The following TRAPPC9 variants were observed in gnomAD, a reference collection of about 807,000 sequenced individuals.
TRAPPC9 encodes the protein IKK2 binding protein.
In TRAPPC9, 83 loss-of-function variants were observed where a neutral mutation model predicts 124.0. The observed-to-expected ratio is 0.67, with a 90% CI of 0.56 to 0.80. TRAPPC9 has a LOEUF of 0.80. Among genes scored for constraint, TRAPPC9 ranks in the 30% least tolerant of loss-of-function variants. The pLI is 0.00. For missense variants in TRAPPC9, 1,302 were observed against 1,508.3 expected (o/e 0.86, Z 2.27); for synonymous variants, 638 against 617.5 (o/e 1.03, Z -0.49).
intron 17 of TRAPPC9, among the ~76,000 whole-genome samples, chr8:140,139,233 T>C (rs1048939864): frequency 6.6e-6 from 1 of 152,112 alleles, no homozygotes; most frequent in Non-Finnish European, 1.5e-5. Context: ...CGGGAGCCTG[T>C]CCCATCCCTG....
chr8:139,996,795 A>G (rs1174525106), intron 18 of TRAPPC9, among the ~76,000 whole-genome samples: 2 of 152,142 alleles, frequency 1.3e-5, no homozygotes, highest in Non-Finnish European at 2.9e-5. Flanking sequence ...GTTGGAGTGC[A>G]ATGGCGTGAT....
At chr8:139,771,591 T>C (rs1820966166) in intron 21 of TRAPPC9, among the ~76,000 whole-genome samples, 1 of 152,290 alleles carries the variant, frequency 6.6e-6, no homozygotes, top group Admixed American at 6.5e-5. Flanking sequence ...CGTAGGACAG[T>C]GCAGCCAGGA....
intron 17 of TRAPPC9, among the ~76,000 whole-genome samples, chr8:140,049,551 C>CT (rs956385073): frequency 3.3e-5 from 5 of 151,500 alleles, no homozygotes; most frequent in African/African-American, 1.2e-4. Context: ...GGGCTCCCCC[C>CT]CCCGAGACCA....
At chr8:140,180,618 G>C (rs2062178803) in intron 17 of TRAPPC9, among the ~76,000 whole-genome samples, 1 of 149,670 alleles carries the variant, frequency 6.7e-6, no homozygotes, top group Non-Finnish European at 1.5e-5. Flanking sequence ...CTCAGCTTTT[G>C]TCTTTATTTG....
chr8:139,949,006 G>A (rs956877230), intron 19 of TRAPPC9, among the ~76,000 whole-genome samples: 1 of 152,134 alleles, frequency 6.6e-6, no homozygotes, highest in African/African-American at 2.4e-5. Flanking sequence ...CCAGGAGGCA[G>A]AGGTTGCCGT....
intron 16 of TRAPPC9, among the ~76,000 whole-genome samples, chr8:140,236,232 G>T (rs543096482): frequency 3.3e-5 from 5 of 152,186 alleles, no homozygotes; most frequent in Admixed American, 3.3e-4. Flanking sequence ...ATAAGCGTGT[G>T]CCACCATGCC....
rs115274810 is a variant in TRAPPC9 at position 140,342,742 on chromosome 8, C to T, written c.1495+17308G>A. Among the ~76,000 whole-genome samples the T allele has an allele frequency of 4.3e-3, 652 of 152,168 alleles. 4 individuals carry two copies. The highest frequency in any genetic ancestry group is 0.015 in the African/African-American group (623 of 41,492). On this transcript the variant is annotated intron_variant, in intron 9 of 22. Transcript: ENST00000438773. ...GAGAAAAAAATGCAAGGGGGAAAAACGCATGTCAGGAATGAAAAATAGGAA... is the reference window on the plus strand; with the variant it reads ...GAGAAAAAAATGCAAGGGGGAAAAATGCATGTCAGGAATGAAAAATAGGAA...
intron 18 of TRAPPC9, 42 bp downstream of exon 18, chr8:140,023,895 A>C (rs1445266810): frequency 6.2e-7 from 1 of 1,613,660 alleles, no homozygotes; most frequent in Non-Finnish European, 8.5e-7. Flanking sequence ...AGTGCTGTTG[A>C]GACTCTAGAA....
chr8:140,372,086 G>A (rs2068298350), intron 7 of TRAPPC9, among the ~76,000 whole-genome samples: 2 of 152,184 alleles, frequency 1.3e-5, no homozygotes, highest in African/African-American at 4.8e-5. Flanking sequence ...CCTGTGAGCT[G>A]GCAAATAAGG....
Position 140,003,029 on chromosome 8 carries a change from AT to A in TRAPPC9, c.2700-14194del, listed in dbSNP as rs1838505974. 2.0e-5 allele frequency among the ~76,000 whole-genome samples: 3 copies of A among 152,068 alleles called. No individual in the cohort carries two copies. In the South Asian group the frequency reaches 6.2e-4, roughly 31 times the overall value. ...AAAATTAGATTTATTAAAATTAAAA[AT>A]ATCTCTCTGTGAAAGACACTGTTAA... On this transcript the variant is annotated intron_variant, in intron 18 of 22. Transcript: ENST00000438773.
intron 17 of TRAPPC9, among the ~76,000 whole-genome samples, chr8:140,141,338 G>A (rs889531721): frequency 1.3e-5 from 2 of 152,128 alleles, no homozygotes; most frequent in African/African-American, 4.8e-5. Context: ...ACCAGCATCC[G>A]CCCTTATCTG....
intron 17 of TRAPPC9, among the ~76,000 whole-genome samples, chr8:140,051,700 A>G (rs4374967): frequency 0.5 from 75,636 of 151,416 alleles, 19,744 homozygotes; most frequent in Non-Finnish European, 0.59. Flanking sequence ...TATAAAGGAC[A>G]TTGATAATTA....
At chr8:140,381,379 CAA>C (rs1025842268) in intron 7 of TRAPPC9, among the ~76,000 whole-genome samples, 7 of 151,978 alleles carry the variant, frequency 4.6e-5, no homozygotes, top group African/African-American at 1.2e-4. Flanking sequence ...TAAAACTTGA[CAA>C]AGAGGACCAG....
At chr8:139,743,888 G>T (rs539418147) in intron 21 of TRAPPC9, among the ~76,000 whole-genome samples, 56 of 152,278 alleles carry the variant, frequency 3.7e-4, no homozygotes, top group African/African-American at 1.3e-3. Flanking sequence ...CCTCTTTATT[G>T]ATGACAGCCA....
chr8:139,774,127 G>A (rs1021697688), intron 21 of TRAPPC9, among the ~76,000 whole-genome samples: 1 of 152,210 alleles, frequency 6.6e-6, no homozygotes, highest in Non-Finnish European at 1.5e-5. Context: ...GGCCACTGGG[G>A]CGGCAAGAAG....
In TRAPPC9 at chr8:140,450,940, TCCAC is replaced by T; in HGVS notation, c.430_433del (p.Val144ArgfsTer44). 1.2e-6 allele frequency: 2 copies of T among 1,614,170 alleles called. No individual in the cohort carries two copies. Among genetic ancestry groups the T allele is most frequent in the Non-Finnish European group, 8.5e-7 (1 of 1,180,028 alleles). ...CTCGATGAAGTCCTCGATTCTCTTC[TCCAC>T]CGTCTGGCAGTCCTCGTAGTTGGGG... is the stretch of plus-strand genomic sequence containing the variant. On this transcript the variant is annotated frameshift_variant, in exon 2 of 23. Coordinates refer to ENST00000438773, the MANE Select transcript of TRAPPC9 (RefSeq NM_001160372.4). LOFTEE classifies it high-confidence loss of function.
At chr8:140,169,042 G>A (rs1346080005) in intron 17 of TRAPPC9, among the ~76,000 whole-genome samples, 1 of 152,164 alleles carries the variant, frequency 6.6e-6, no homozygotes, top group Non-Finnish European at 1.5e-5. Context: ...AGGACAGGCA[G>A]ATGAACCAAC....
intron 21 of TRAPPC9, among the ~76,000 whole-genome samples, chr8:139,749,573 C>T (rs545423528): frequency 2.5e-4 from 38 of 152,344 alleles, no homozygotes; most frequent in African/African-American, 9.1e-4. Flanking sequence ...ACCCTGTACC[C>T]CCAGACTGTC....
At chr8:140,109,631 T>C (rs2060727001) in intron 17 of TRAPPC9, among the ~76,000 whole-genome samples, 2 of 152,206 alleles carry the variant, frequency 1.3e-5, no homozygotes, top group South Asian at 4.1e-4. Context: ...CTTACTGTAT[T>C]CAGGGGTTGT....
Sources: allele counts gnomAD v4.1 joint callset (sites outside exome capture counted in the v4.1 genomes callset), GRCh38; gene constraint gnomAD v4.1.1; transcripts MANE v1.5; gene names NCBI Gene and HGNC (gene_info 2026-07-23, HGNC 2026-07-21).